The following FGF12 variants were observed in gnomAD, a reference collection of about 807,000 sequenced individuals.
FGF12 encodes fibroblast growth factor 12, also known as fibroblast growth factor 12B.
FGF12 carries 14 observed loss-of-function variants against 23.6 expected under a neutral mutation model. The ratio of observed to expected loss-of-function variants is 0.59; its 90% confidence interval spans 0.39 to 0.93. FGF12 has a LOEUF of 0.93. Ranked by LOEUF, FGF12 falls within the 40% of genes least tolerant of loss-of-function variation. FGF12 has a pLI of 0.00. For synonymous variants in FGF12, 62 were observed against 77.3 expected, an observed-to-expected ratio of 0.80 and a Z score of 1.04; for missense variants, 175 against 217.8, an observed-to-expected ratio of 0.80 and a Z score of 1.24.
chr3:192,599,638 C>A (rs918386796), intron 2 of FGF12, among the ~76,000 whole-genome samples: 1 of 151,982 alleles, frequency 6.6e-6, no homozygotes, highest in Admixed American at 6.6e-5. Context: ...AAGATTTACT[C>A]ATTTATTAAC....
intron 2 of FGF12, among the ~76,000 whole-genome samples, chr3:192,513,298 T>G (rs1440584885): frequency 6.6e-6 from 1 of 152,164 alleles, no homozygotes; most frequent in Non-Finnish European, 1.5e-5. Flanking sequence ...ATGATGCGTT[T>G]TAGTACTTAC....
At chr3:192,629,342 A>G (rs1417955947) in intron 2 of FGF12, among the ~76,000 whole-genome samples, 1 of 152,188 alleles carries the variant, frequency 6.6e-6, no homozygotes, top group Admixed American at 6.5e-5. Context: ...TCACCTAATC[A>G]CCACCATGAC....
In FGF12 at chr3:192,378,031, T is replaced by TTCTTTCTTTCTTTCTC. The variant is rs1719614847; in HGVS notation, c.14-17494_14-17493insGAGAAAGAAAGAAAGA. Among the ~76,000 whole-genome samples the TTCTTTCTTTCTTTCTC allele has an allele frequency of 1.7e-4, 7 of 41,860 alleles. 3 individuals carry two copies. Among genetic ancestry groups the TTCTTTCTTTCTTTCTC allele is most frequent in the African/African-American group, 9.1e-4 (7 of 7,656 alleles). The allele number at this position is 41,860 out of a possible 152,430, so 27.5% of individuals were successfully genotyped here. The stretch of plus-strand genomic sequence containing the variant: ...CCCTTTCTTCTGACTCTTTCTTTTC[T>TTCTTTCTTTCTTTCTC]TTCTTTCTTTCTTTCTTTCTTTCTT... On this transcript the variant is annotated intron_variant, in intron 2 of 5. Coordinates refer to ENST00000445105, the MANE Select transcript of FGF12 (RefSeq NM_004113.6).
chr3:192,297,880 G>A (rs182894655), intron 4 of FGF12, among the ~76,000 whole-genome samples: 6 of 152,138 alleles, frequency 3.9e-5, no homozygotes, highest in East Asian at 1.9e-4. Flanking sequence ...TATATTTCTC[G>A]AAAGCTCACT....
At chr3:192,369,281 T>G (rs879381136) in intron 2 of FGF12, among the ~76,000 whole-genome samples, 2 of 152,160 alleles carry the variant, frequency 1.3e-5, no homozygotes, top group Non-Finnish European at 2.9e-5. Flanking sequence ...AAAGAGCTGC[T>G]TATAGCCTTT....
rs530607365 is a variant in FGF12, at chr3:192,532,341, A to G, written c.14-171803T>C. Among the ~76,000 whole-genome samples the G allele has an allele frequency of 1.9e-4, 29 of 152,252 alleles. No homozygotes were observed. The South Asian group carries it at 5.2e-3, about 27-fold the overall frequency. On this transcript the variant is annotated intron_variant, in intron 2 of 5. Transcript: ENST00000445105. ...ACTGAATCTGTAGATTGCTTTGAGC[A>G]GTATAGTCATTTTCACTATATTGAT...
At chr3:192,529,739 G>T (rs1278668810) in intron 2 of FGF12, among the ~76,000 whole-genome samples, 2 of 152,200 alleles carry the variant, frequency 1.3e-5, no homozygotes, top group East Asian at 3.9e-4. Context: ...GGCAGACAAG[G>T]GAAGAGAGCT....
chr3:192,392,591 CGAGAGAGAGA>C lies in FGF12; in HGVS notation c.14-32063_14-32054del, dbSNP rs67784749. 4.2e-3 allele frequency among the ~76,000 whole-genome samples: 174 copies of C among 41,870 alleles called. 2 individuals carry two copies. The highest frequency in any genetic ancestry group is 0.014 in the East Asian group (18 of 1,276). The allele number at this position is 41,870 out of a possible 152,430, so 27.5% of individuals were successfully genotyped here. A position where few individuals can be genotyped will look rare whatever the true frequency, so the allele number is the denominator to read the frequency against. ...AGCCTGGGCAACAAAAGTGAAACTC[CGAGAGAGAGA>C]GAGAGAGAGAGAGAGAGAGAGAGAG... is the stretch of plus-strand genomic sequence containing the variant. On this transcript the variant is annotated intron_variant, in intron 2 of 5. Transcript: ENST00000445105.
rs144761645 is a variant in FGF12, at chr3:192,301,867, G to A, written c.228+33494C>T. On this transcript the variant is annotated intron_variant, in intron 4 of 5. Coordinates refer to ENST00000445105, the MANE Select transcript of FGF12 (RefSeq NM_004113.6). ...GAGCAGGGAAAGAAACAAGGAGGAG[G>A]AGGCAAACTTTCGCCATCTAATCCT... is the stretch of plus-strand genomic sequence containing the variant. 1.3e-3 allele frequency among the ~76,000 whole-genome samples: 198 copies of A among 152,182 alleles called. 1 individual carries two copies. The highest frequency in any genetic ancestry group is 4.5e-3 in the African/African-American group (187 of 41,516).
chr3:192,204,412 A>G (rs1717535522), intron 4 of FGF12, among the ~76,000 whole-genome samples: 1 of 152,166 alleles, frequency 6.6e-6, no homozygotes, highest in Admixed American at 6.5e-5. Flanking sequence ...TTAAATAGCC[A>G]TATTTGTTTA....
rs190101690 is a variant in FGF12 at position 192,160,039 on chromosome 3, T to A, written c.427+10419A>T. 1.4e-4 allele frequency among the ~76,000 whole-genome samples: 21 copies of A among 151,924 alleles called. No individual in the cohort carries two copies. In the East Asian group the frequency reaches 3.9e-3, roughly 28 times the overall value. On this transcript the variant is annotated intron_variant, in intron 5 of 5. Transcript: ENST00000445105. ...GTTCATCATGCCTAACACCTAAAAG[T>A]CATCCCTGATTTCTGTCTTTATCTA...
At chr3:192,581,239 T>G (rs1379648452) in intron 2 of FGF12, among the ~76,000 whole-genome samples, 1 of 151,948 alleles carries the variant, frequency 6.6e-6, no homozygotes, top group African/African-American at 2.4e-5. Context: ...TAGAGAATTA[T>G]AAGACTCAAA....
At chr3:192,588,361 A>AG (rs1444987637) in intron 2 of FGF12, among the ~76,000 whole-genome samples, 5 of 120,156 alleles carry the variant, frequency 4.2e-5, no homozygotes, top group Admixed American at 3.3e-4. Context: ...AAAAAAAAAA[A>AG]AAAAAAGAAA....
intron 4 of FGF12, among the ~76,000 whole-genome samples, chr3:192,326,506 C>A (rs1305834790): frequency 2.0e-5 from 3 of 152,184 alleles, no homozygotes; most frequent in African/African-American, 7.2e-5. Context: ...CCTGACACAG[C>A]TTTTCAATAT....
rs1577165196 is a variant in FGF12, at chr3:192,141,156, C to CAAAAAAAAAAAA, written c.*2852_*2853insTTTTTTTTTTTT. ...AAAAAAAAAAAAAAAAAAAAAAAAGCTTATTTTACTTAAAAAGGAAAAGTG... is the reference window on the plus strand; with the variant it reads ...AAAAAAAAAAAAAAAAAAAAAAAAGCAAAAAAAAAAAATTATTTTACTTAAAAAGGAAAAGTG... On this transcript the variant is annotated 3_prime_UTR_variant, in exon 6 of 6. Coordinates refer to ENST00000445105, the MANE Select transcript of FGF12 (RefSeq NM_004113.6). 2.5e-4 allele frequency: 12 copies of CAAAAAAAAAAAA among 48,846 alleles called. No homozygotes were observed. Among genetic ancestry groups the CAAAAAAAAAAAA allele is most frequent in the African/African-American group, 4.2e-4 (5 of 11,826 alleles). 3.0% of individuals were successfully genotyped at this position (48,846 alleles called of 1,614,324 possible).
Position 192,297,277 on chromosome 3 carries a change from A to T in FGF12, c.228+38084T>A, listed in dbSNP as rs559583735. ...GAAGCAAAAATTTTAAAAATTAAAA[A>T]CGTCTTCTGGATTGCTAGACTGGTT... On this transcript the variant is annotated intron_variant, in intron 4 of 5. Coordinates refer to ENST00000445105, the MANE Select transcript of FGF12 (RefSeq NM_004113.6). Among the ~76,000 whole-genome samples, 19 of 152,346 alleles carry T rather than the reference A, an allele frequency of 1.2e-4. 1 individual carries two copies. In the East Asian group the frequency reaches 3.7e-3, roughly 29 times the overall value.
At chr3:192,622,281 T>A (rs1200291850) in intron 2 of FGF12, among the ~76,000 whole-genome samples, 1 of 152,154 alleles carries the variant, frequency 6.6e-6, no homozygotes, top group East Asian at 1.9e-4. Flanking sequence ...GAGTGCTCCT[T>A]TCAACCTCAC....
chr3:192,378,272 A>C (rs1376722260), intron 2 of FGF12, among the ~76,000 whole-genome samples: 1 of 149,260 alleles, frequency 6.7e-6, no homozygotes, highest in Non-Finnish European at 1.5e-5. Flanking sequence ...TATCATGCCT[A>C]GCTAATTTTT....
chr3:192,707,353 G>A (rs1718503083), intron 2 of FGF12, among the ~76,000 whole-genome samples: 3 of 152,096 alleles, frequency 2.0e-5, no homozygotes, highest in Admixed American at 2.0e-4. Flanking sequence ...ACCGAGAATG[G>A]CACATCCAGT....
Sources: gnomAD v4.1 joint callset for allele counts (sites outside exome capture counted in the v4.1 genomes callset) on GRCh38, gnomAD v4.1.1 for gene constraint, MANE v1.5 for transcripts, NCBI Gene and HGNC (gene_info 2026-07-23, HGNC 2026-07-21) for gene names.